Variants in LMAN1 observed in about 807,000 individuals in gnomAD.
LMAN1 encodes lectin, mannose binding 1, also known as protein ERGIC-53.
In LMAN1, 32 loss-of-function variants were observed where a neutral mutation model predicts 67.8. The observed-to-expected ratio is 0.47, with a 90% confidence interval of 0.36 to 0.63. LMAN1 has a LOEUF of 0.63. LMAN1 is among the 30% of genes least tolerant of loss of function. The pLI is 0.00. For synonymous variants in LMAN1, 235 were observed against 219.3 expected, an observed-to-expected ratio of 1.07 and a Z score of -0.63; for missense variants, 632 against 628.2, an observed-to-expected ratio of 1.01 and a Z score of -0.06.
At chr18:59,342,409 A>C (rs984977781) in intron 8 of LMAN1, among the ~76,000 whole-genome samples, 3 of 152,168 alleles carry the variant, frequency 2.0e-5, no homozygotes, top group Non-Finnish European at 4.4e-5. Flanking sequence ...CAAAGATGCA[A>C]AAATCCTCTA....
intron 4 of LMAN1, among the ~76,000 whole-genome samples, chr18:59,353,981 T>C (rs1908602969): frequency 1.3e-5 from 2 of 152,228 alleles, no homozygotes; most frequent in Non-Finnish European, 2.9e-5. Context: ...GTATTCTTGT[T>C]GCGTACACAA....
At chr18:59,338,512 TA>T (rs751956900) in intron 10 of LMAN1, 44 bp downstream of exon 10, 11 of 1,508,228 alleles carry the variant, frequency 7.3e-6, no homozygotes, top group East Asian at 2.3e-5. Flanking sequence ...AAATTTAGGA[TA>T]AAAAAAATCA....
intron 4 of LMAN1, 74 bp from the exon 5 acceptor site, chr18:59,353,375 T>C (rs1054193358): frequency 9.5e-7 from 1 of 1,056,628 alleles, no homozygotes; most frequent in Non-Finnish European, 1.5e-6. Flanking sequence ...AAGACTAAAA[T>C]AATATCAAGT....
chr18:59,337,187 CAT>C (rs1216321610), intron 10 of LMAN1, among the ~76,000 whole-genome samples: 1 of 148,298 alleles, frequency 6.7e-6, no homozygotes, highest in Non-Finnish European at 1.5e-5. Context: ...TATTATATAA[CAT>C]ATTATAATAT....
chr18:59,330,057 A>C lies in LMAN1; in HGVS notation c.*1036T>G, dbSNP rs2070738063. The C allele has an allele frequency of 6.6e-6, 1 of 152,398 alleles. No homozygotes were observed. 9.4% of individuals were successfully genotyped at this position (152,398 alleles called of 1,614,324 possible). On this transcript the variant is annotated 3_prime_UTR_variant, in exon 13 of 13. Transcript: ENST00000251047. Reference sequence around the variant, plus strand: ...TGTCCTTAGTTCTGGCACTAAAAGGAAACAATTAGAAGTATTCACTGTTTT... The same window carrying C: ...TGTCCTTAGTTCTGGCACTAAAAGGCAACAATTAGAAGTATTCACTGTTTT...
At chr18:59,336,996 A>G (rs1908173555) in intron 10 of LMAN1, among the ~76,000 whole-genome samples, 1 of 151,834 alleles carries the variant, frequency 6.6e-6, no homozygotes, top group African/African-American at 2.4e-5. Flanking sequence ...AAAATGAATG[A>G]GCAGAAGGTT....
Position 59,329,378 on chromosome 18 carries a change from A to G in LMAN1, c.*1715T>C, listed in dbSNP as rs181554301. On this transcript the variant is annotated 3_prime_UTR_variant, in exon 13 of 13. Coordinates refer to ENST00000251047, the MANE Select transcript of LMAN1 (RefSeq NM_005570.4). ...ATAATACTGGATTTGGCAGCCTTTT[A>G]TCTCAAGAGGATTTCTCAAGTTTCA... The G allele has an allele frequency of 6.6e-6, 1 of 152,294 alleles. No homozygotes were observed. The highest frequency in any genetic ancestry group is 1.9e-4 in the East Asian group (1 of 5,190). 9.4% of individuals were successfully genotyped at this position (152,294 alleles called of 1,614,324 possible).
Position 59,333,190 on chromosome 18 carries a change from A to G in LMAN1, c.1275T>C (p.Ser425=). The G allele has an allele frequency of 6.2e-7, 1 of 1,613,804 alleles. No homozygotes were observed. The highest frequency in any genetic ancestry group is 2.2e-5 in the East Asian group (1 of 44,864). ...GTGTTGTCTCATAGACGCCTCCAGC[A>G]GAGCCAGGGTGCTGCATTCCACTGA... ...RLVSGMQHPG[S]AGGVYETTQH... The change falls in exon 11 of 13, where the codon TCT becomes TCC. Residue 425 remains serine (S), a synonymous_variant. Coordinates refer to ENST00000251047, the MANE Select transcript of LMAN1 (RefSeq NM_005570.4).
chr18:59,358,982 A>G, intron 1 of LMAN1, 49 bp downstream of exon 1: 2 of 1,567,458 alleles, frequency 1.3e-6, no homozygotes, highest in Non-Finnish European at 1.8e-6. Flanking sequence ...GCGAAGAGGC[A>G]GCAGAAGGGG....
At position 59,346,180 on chromosome 18, in the gene LMAN1, C is replaced by CTTCT. The variant is rs747801357; in HGVS notation, c.823-133_823-130dup. 10 of 588,644 alleles carry CTTCT rather than the reference C, an allele frequency of 1.7e-5. No individual in the cohort carries two copies. The East Asian group carries it at 2.9e-4, about 17-fold the overall frequency. 36.5% of individuals were successfully genotyped at this position (588,644 alleles called of 1,614,324 possible). On this transcript the variant is annotated intron_variant, in intron 7 of 12. Coordinates refer to ENST00000251047, the MANE Select transcript of LMAN1 (RefSeq NM_005570.4). ...GAAAGGTTAACATAAAAATGTATTC[C>CTTCT]TTCTTTACTTAAACGATAGCAAATT...
At chr18:59,339,585 G>A (rs1055684780) in intron 8 of LMAN1, among the ~76,000 whole-genome samples, 1 of 152,168 alleles carries the variant, frequency 6.6e-6, no homozygotes, top group Admixed American at 6.5e-5. Context: ...CTCCATAAAG[G>A]GAAACCACAT....
intron 4 of LMAN1, 80 bp from the exon 5 acceptor site, chr18:59,353,381 C>G: frequency 2.9e-6 from 3 of 1,030,520 alleles, no homozygotes; most frequent in Non-Finnish European, 4.6e-6. Context: ...AAAATAATAT[C>G]AAGTTATGAA....
chr18:59,359,042 G>C lies in LMAN1; in HGVS notation c.203C>G (p.Ala68Gly). The C allele has an allele frequency of 1.9e-6, 3 of 1,613,942 alleles. No individual in the cohort carries two copies. The highest frequency in any genetic ancestry group is 2.5e-6 in the Non-Finnish European group (3 of 1,179,972). ...VQSDGTVPFW[A>G]HAGNAIPSSD... is the part of the protein sequence containing the mutation. ...CTGCTCCGGCTTACTCCCCGCGTGG[G>C]CCCAGAAGGGCACGGTCCCGTCGCT... is the stretch of plus-strand genomic sequence containing the variant. The change falls in exon 1 of 13, where the codon GCC (alanine) becomes GGC (glycine). Residue 68 changes from alanine to glycine, a missense_variant. Transcript: ENST00000251047.
intron 10 of LMAN1, chr18:59,333,581 T>C (rs1908076948): frequency 3.7e-6 from 1 of 271,318 alleles, no homozygotes; most frequent in African/African-American, 2.3e-5. Context: ...TGTTCAGCTG[T>C]ACAGTAAAGG....
intron 1 of LMAN1, among the ~76,000 whole-genome samples, chr18:59,356,589 A>T (rs1453978534): frequency 6.6e-6 from 1 of 152,218 alleles, no homozygotes; most frequent in Admixed American, 6.5e-5. Context: ...TTACAGGTAG[A>T]AAAAAGTTGA....
intron 1 of LMAN1, among the ~76,000 whole-genome samples, 168 bp from the exon 2 acceptor site, chr18:59,355,826 C>T (rs372029981): frequency 1.8e-4 from 27 of 152,018 alleles, no homozygotes; most frequent in African/African-American, 6.3e-4. Context: ...GGGCTAACAC[C>T]TCCCTTATCA....
Position 59,333,344 on chromosome 18 carries a change from C to T in LMAN1, c.1221-100G>A, listed in dbSNP as rs1406852101. 6 of 806,490 alleles carry T rather than the reference C, an allele frequency of 7.4e-6. No individual in the cohort carries two copies. In the African/African-American group the frequency reaches 9.1e-5, roughly 12 times the overall value. The allele number at this position is 806,490 out of a possible 1,614,324, so 50.0% of individuals were successfully genotyped here. A position where few individuals can be genotyped will look rare whatever the true frequency, so the allele number is the denominator to read the frequency against. On this transcript the variant is annotated intron_variant, in intron 10 of 12. Transcript: ENST00000251047. ...TTTACTTTTCAAGTCTAATATATTA[C>T]ATCATTTAAAAAAAAAAACAGGTAA... is the stretch of plus-strand genomic sequence containing the variant.
At chr18:59,333,286 G>GT (rs10714229) in intron 10 of LMAN1, 42 bp from the exon 11 acceptor site, 110,548 of 1,185,464 alleles carry the variant, frequency 0.093, no homozygotes, top group East Asian at 0.14. Context: ...TCACTATAAA[G>GT]TTTTTTTTTT....
chr18:59,357,003 T>G (rs1908674057), intron 1 of LMAN1, among the ~76,000 whole-genome samples: 1 of 152,188 alleles, frequency 6.6e-6, no homozygotes, highest in African/African-American at 2.4e-5. Context: ...AAGGGCTGTG[T>G]TTAAACTAGA....
Sources: gnomAD v4.1 joint callset for allele counts (sites outside exome capture counted in the v4.1 genomes callset) on GRCh38, gnomAD v4.1.1 for gene constraint, MANE v1.5 for transcripts, NCBI Gene and HGNC (gene_info 2026-07-23, HGNC 2026-07-21) for gene names.